MED16: variants seen among roughly 807,000 people sequenced by gnomAD.
MED16 encodes mediator of RNA polymerase II transcription subunit 16.
In MED16, 81 loss-of-function variants were observed where a neutral mutation model predicts 84.4. The ratio of observed to expected loss-of-function variants is 0.96; its 90% CI spans 0.80 to 1.15. The LOEUF (loss-of-function observed/expected upper bound fraction) is 1.15. Among genes scored for constraint, MED16 ranks in the 50% most tolerant of loss-of-function variants. MED16 has a pLI of 0.00. For synonymous variants in MED16, 897 were observed against 552.2 expected (o/e 1.62, Z -8.76); for missense variants, 1,585 against 1,245.9 (o/e 1.27, Z -4.10).
Position 889,740 on chromosome 19 carries a change from A to G in MED16, c.345T>C (p.Ala115=). The stretch of plus-strand genomic sequence containing the variant: ...TGCCCACTGAGCTCTCCCAGCTATT[A>G]GCCAGGTGGTCCGCCATGCTCCAGC... ...IKCWSMADHL[A]NSWESSVGSL... The change falls in exon 4 of 16, where the codon GCT becomes GCC. Residue 115 remains alanine (A), a synonymous_variant. Transcript: ENST00000325464. 1 of 1,613,670 alleles carries G rather than the reference A, an allele frequency of 6.2e-7. No homozygotes were observed. The highest frequency in any genetic ancestry group is 8.5e-7 in the Non-Finnish European group (1 of 1,179,930).
intron 6 of MED16, 143 bp from the exon 7 acceptor site, chr19:881,857 A>ATCT: frequency 9.7e-7 from 1 of 1,026,368 alleles, no homozygotes; most frequent in Non-Finnish European, 1.4e-6. Context: ...TGCCCAGAAG[A>ATCT]CCAGGCCCGG....
At chr19:869,981 C>A (rs368833200) in intron 13 of MED16, among the ~76,000 whole-genome samples, 2 of 152,158 alleles carry the variant, frequency 1.3e-5, no homozygotes, top group African/African-American at 4.8e-5. Context: ...AAGGTCCCAC[C>A]TCACAGGGCT....
rs749085624 is a variant in MED16 at position 884,906 on chromosome 19, C to A, written c.982G>T (p.Val328Leu). Residue 328 changes from valine to leucine, a missense_variant, in exon 6 of 16, where the codon GTG becomes TTG. Coordinates refer to ENST00000325464, the MANE Select transcript of MED16 (RefSeq NM_005481.3). ...VNNIFQQISP[V>L]VGDKQPTILK... ...CCGCAGCCGGCGGGAGACTCACCCA[C>A]GGGGGAGATCTGCTGGAAGATGTTG... The A allele has an allele frequency of 3.7e-6, 6 of 1,605,422 alleles. No homozygotes were observed. The highest frequency in any genetic ancestry group is 5.1e-6 in the Non-Finnish European group (6 of 1,177,684).
At chr19:869,335 C>G (rs922311313) in intron 13 of MED16, among the ~76,000 whole-genome samples, 2 of 151,856 alleles carry the variant, frequency 1.3e-5, no homozygotes, top group Admixed American at 6.6e-5. Flanking sequence ...ACTTCCACAC[C>G]ACCTCTGCCC....
At chr19:875,699 G>C (rs1255089120) in intron 9 of MED16, among the ~76,000 whole-genome samples, 1 of 152,192 alleles carries the variant, frequency 6.6e-6, no homozygotes, top group Non-Finnish European at 1.5e-5. Flanking sequence ...GTGATGTCTG[G>C]AGATATTTTT....
At chr19:871,485 C>A in intron 12 of MED16, 1 of 1,473,176 alleles carries the variant, frequency 6.8e-7, no homozygotes, top group Non-Finnish European at 9.1e-7. Context: ...GAGACTCCCT[C>A]ATTCACTTAA....
At chr19:887,620 CG>C (rs2036552933) in intron 4 of MED16, among the ~76,000 whole-genome samples, 2 of 151,934 alleles carry the variant, frequency 1.3e-5, no homozygotes, top group African/African-American at 4.8e-5. Flanking sequence ...GAGCCGAGAT[CG>C]CACCACTGCA....
rs868248198 is a variant in MED16, at chr19:882,927, A to C, written c.986-1213T>G. 1.3e-5 allele frequency among the ~76,000 whole-genome samples: 2 copies of C among 152,270 alleles called. 1 individual carries two copies. Among genetic ancestry groups the C allele is most frequent in the South Asian group, 4.1e-4 (2 of 4,824 alleles). ...TCCCTGGGGGGAAACAGGCCCAGAG[A>C]GTGGCTGAGACGCCCAGAGGGCACA... is the stretch of plus-strand genomic sequence containing the variant. On this transcript the variant is annotated intron_variant, in intron 6 of 15. Coordinates refer to ENST00000325464, the MANE Select transcript of MED16 (RefSeq NM_005481.3).
intron 6 of MED16, among the ~76,000 whole-genome samples, chr19:884,387 A>G (rs370140209): frequency 2.7e-5 from 4 of 150,606 alleles, no homozygotes; most frequent in African/African-American, 7.3e-5. Context: ...AGAGATGGGA[A>G]TGGGGGCCCC....
intron 8 of MED16, among the ~76,000 whole-genome samples, chr19:879,234 C>T (rs1427657953): frequency 6.8e-6 from 1 of 147,480 alleles, no homozygotes; most frequent in Non-Finnish European, 1.5e-5. Context: ...CCAAGCCGAG[C>T]CCCACATGCC....
In MED16 at chr19:868,499, C is replaced by T. The variant is rs1376677726; in HGVS notation, c.2400G>A (p.Arg800=). The T allele has an allele frequency of 3.1e-6, 5 of 1,609,852 alleles. 1 individual carries two copies. In the African/African-American group the frequency reaches 5.3e-5, roughly 17 times the overall value. The part of the protein sequence containing the change: ...CPTEECKACT[R]CGCVTMLKSP... ...ACTTGAGCATGGTGACACAGCCGCA[C>T]CTGCGGGGAGGCAGGCACTGAGCGG... Residue 800 remains arginine, a splice_region_variant and synonymous_variant, in exon 15 of 16, where the codon AGG becomes AGA. Transcript: ENST00000325464.
chr19:890,570 C>G (rs887641509), intron 2 of MED16: 8 of 372,046 alleles, frequency 2.2e-5, no homozygotes, highest in African/African-American at 1.7e-4. Flanking sequence ...TTCTAGTTTT[C>G]TCTAATGACC....
chr19:886,618 G>A (rs1012869522), intron 4 of MED16, among the ~76,000 whole-genome samples: 4 of 152,222 alleles, frequency 2.6e-5, no homozygotes, highest in African/African-American at 7.2e-5. Context: ...GGCGGGGGCC[G>A]TCAGGCCCTG....
intron 6 of MED16, 56 bp from the exon 7 acceptor site, chr19:881,770 C>T: frequency 6.4e-7 from 1 of 1,573,564 alleles, no homozygotes; most frequent in South Asian, 1.2e-5. Flanking sequence ...CAGGCTGAGA[C>T]AGCCGCAGGA....
At position 886,033 on chromosome 19, in the gene MED16, G is replaced by A. The variant is rs2036518987; in HGVS notation, c.616C>T (p.Leu206=). Residue 206 remains leucine (L), a synonymous_variant, in exon 5 of 16, where the codon CTG becomes TTG. Coordinates refer to ENST00000325464, the MANE Select transcript of MED16 (RefSeq NM_005481.3). The stretch of plus-strand genomic sequence containing the variant: ...GCCACGCGGCCGCGCAGCCGGCACA[G>A]GCTCTCGGTGGACGTCAGCACCTGC... ...SGQVLTSTES[L]CRLRGRVALA... 1.9e-6 allele frequency: 3 copies of A among 1,597,690 alleles called. No homozygotes were observed. Among genetic ancestry groups the A allele is most frequent in the Non-Finnish European group, 2.6e-6 (3 of 1,175,402 alleles).
chr19:873,198 T>G (rs1293377195), intron 11 of MED16: 4 of 442,754 alleles, frequency 9.0e-6, no homozygotes, highest in East Asian at 8.4e-5. Flanking sequence ...GGCTAGGAAG[T>G]GGGGGTTTAA....
chr19:881,004 C>T (rs2036409789), intron 7 of MED16, among the ~76,000 whole-genome samples: 1 of 152,164 alleles, frequency 6.6e-6, no homozygotes, highest in East Asian at 1.9e-4. Context: ...ACTGCATCCC[C>T]TCAACCTCTC....
chr19:875,168 G>T lies in MED16; in HGVS notation c.1771+76C>A, dbSNP rs1035205186. 9.5e-6 allele frequency: 10 copies of T among 1,054,752 alleles called. No homozygotes were observed. The African/African-American group carries it at 9.9e-5, about 10-fold the overall frequency. The allele number at this position is 1,054,752 out of a possible 1,614,324, so 65.3% of individuals were successfully genotyped here. On this transcript the variant is annotated intron_variant, in intron 10 of 15. Transcript: ENST00000325464. The stretch of plus-strand genomic sequence containing the variant: ...AACAGAGTAAGACCCTATCTCAAAA[G>T]AGTAAAAAAAATAAATAAAAATAAA...
intron 1 of MED16, among the ~76,000 whole-genome samples, chr19:892,093 G>A (rs1440735503): frequency 6.6e-6 from 1 of 152,044 alleles, no homozygotes; most frequent in Non-Finnish European, 1.5e-5. Flanking sequence ...GGGAACAGAG[G>A]GGGCACCTCC....
Sources: allele counts gnomAD v4.1 joint callset (sites outside exome capture counted in the v4.1 genomes callset), GRCh38; gene constraint gnomAD v4.1.1; transcripts MANE v1.5; gene names NCBI Gene and HGNC (gene_info 2026-07-23, HGNC 2026-07-21).